ZNF385D: variants seen among roughly 807,000 people sequenced by gnomAD.
ZNF385D encodes the protein zinc finger protein 659.
ZNF385D carries 15 observed loss-of-function variants against 35.8 expected under a neutral mutation model. That is an observed-to-expected ratio of 0.42 (90% CI 0.28 to 0.64). ZNF385D has a LOEUF of 0.64. ZNF385D is among the 30% of genes least tolerant of loss of function. The pLI is 0.23. For missense variants in ZNF385D, 474 were observed against 494.6 expected (o/e 0.96, Z 0.39); for synonymous variants, 212 against 186.8 (o/e 1.13, Z -1.10).
Position 22,221,388 on chromosome 3 carries a change from C to G in ZNF385D, c.107-52353G>C, listed in dbSNP as rs141178029. Among the ~76,000 whole-genome samples, 325 of 152,116 alleles carry G rather than the reference C, an allele frequency of 2.1e-3. 3 individuals carry two copies. The highest frequency in any genetic ancestry group is 0.014 in the East Asian group (73 of 5,166). On this transcript the variant is annotated intron_variant, in intron 2 of 5. Coordinates refer to the ZNF385D transcript ENST00000494108. The stretch of plus-strand genomic sequence containing the variant: ...GCCAATCACATTGCATATATACCCC[C>G]CCACCTCATTTATTTTGAAGCAAAT...
rs4045435 is a variant in ZNF385D, at chr3:21,442,886, AGTGTGTGT to A, written c.440-5691_440-5684del. Among the ~76,000 whole-genome samples the A allele has an allele frequency of 1.1e-4, 16 of 147,260 alleles. No individual in the cohort carries two copies. In the South Asian group the frequency reaches 2.2e-3, roughly 20 times the overall value. On this transcript the variant is annotated intron_variant, in intron 4 of 7. Coordinates refer to ENST00000281523, the MANE Select transcript of ZNF385D (RefSeq NM_024697.3). The stretch of plus-strand genomic sequence containing the variant: ...GGCTATATGTGTATATCTGTGTATA[AGTGTGTGT>A]GTGTGTGTGTGTGTGTGTGTGTTGA...
chr3:21,767,731 A>G (rs141607617), intron 3 of ZNF385D, among the ~76,000 whole-genome samples: 1 of 152,130 alleles, frequency 6.6e-6, no homozygotes, highest in Non-Finnish European at 1.5e-5. Context: ...AAAGAAGAGA[A>G]AGGATTATAT....
intron 1 of ZNF385D, among the ~76,000 whole-genome samples, chr3:21,741,368 A>C (rs923840263): frequency 6.6e-6 from 1 of 152,192 alleles, no homozygotes; most frequent in Non-Finnish European, 1.5e-5. Context: ...TTTAACTGAT[A>C]CATTTTCCTT....
intron 3 of ZNF385D, among the ~76,000 whole-genome samples, chr3:21,889,939 G>T (rs138075110): frequency 1.3e-3 from 191 of 152,050 alleles, no homozygotes; most frequent in Non-Finnish European, 2.5e-3. Context: ...TAGCATCTCT[G>T]TGTGTGCCTG....
At chr3:22,107,018 G>T (rs1702250281) in intron 3 of ZNF385D, among the ~76,000 whole-genome samples, 1 of 93,090 alleles carries the variant, frequency 1.1e-5, no homozygotes, top group African/African-American at 3.6e-5. Flanking sequence ...AAAAACTTTG[G>T]AATGAGAGTT....
chr3:22,146,670 A>G (rs1704878367), intron 3 of ZNF385D, among the ~76,000 whole-genome samples: 2 of 152,198 alleles, frequency 1.3e-5, no homozygotes, highest in Non-Finnish European at 1.5e-5. Flanking sequence ...GAATAAACAC[A>G]TTATATAACA....
chr3:21,464,376 G>A (rs766751453), intron 4 of ZNF385D, among the ~76,000 whole-genome samples: 11 of 152,018 alleles, frequency 7.2e-5, no homozygotes, highest in Non-Finnish European at 1.2e-4. Flanking sequence ...GCTAATATAT[G>A]CATTTTTATA....
At chr3:21,975,741 A>ATATATGTG (rs1553711025) in intron 3 of ZNF385D, among the ~76,000 whole-genome samples, 82 of 81,540 alleles carry the variant, frequency 1.0e-3, no homozygotes, top group Non-Finnish European at 1.6e-3. Flanking sequence ...ATATATATAT[A>ATATATGTG]TATATATATA....
chr3:21,861,397 C>G (rs1025430276), intron 3 of ZNF385D, among the ~76,000 whole-genome samples: 1 of 152,126 alleles, frequency 6.6e-6, no homozygotes. Flanking sequence ...CTTCACTCAT[C>G]TCACTTAATG....
intron 4 of ZNF385D, among the ~76,000 whole-genome samples, chr3:21,501,006 A>G (rs1559352212): frequency 6.6e-6 from 1 of 152,122 alleles, no homozygotes; most frequent in Admixed American, 6.5e-5. Flanking sequence ...CCACGTGTGT[A>G]GAACATCACT....
intron 3 of ZNF385D, among the ~76,000 whole-genome samples, chr3:21,832,093 G>T (rs557867894): frequency 7.6e-6 from 1 of 131,826 alleles, no homozygotes; most frequent in Non-Finnish European, 1.7e-5. Context: ...ATTTGTTCAC[G>T]TATTTCTCTC....
intron 1 of ZNF385D, among the ~76,000 whole-genome samples, chr3:21,717,812 C>T (rs1196389303): frequency 2.0e-5 from 3 of 152,180 alleles, no homozygotes; most frequent in Non-Finnish European, 4.4e-5. Context: ...GCCTTTCTAG[C>T]CATGTGGAAC....
At chr3:21,991,362 T>C (rs1463719998) in intron 3 of ZNF385D, among the ~76,000 whole-genome samples, 1 of 152,206 alleles carries the variant, frequency 6.6e-6, no homozygotes, top group East Asian at 1.9e-4. Context: ...CTTTCAGATC[T>C]ATAGCCACAT....
At chr3:21,881,370 A>G (rs758159162) in intron 3 of ZNF385D, among the ~76,000 whole-genome samples, 12 of 151,998 alleles carry the variant, frequency 7.9e-5, no homozygotes, top group Non-Finnish European at 1.2e-4. Flanking sequence ...CTTAAGAATG[A>G]TGCTAAATCT....
chr3:21,415,469 C>T lies in ZNF385D; in HGVS notation c.*5745G>A, dbSNP rs569885313. Reference sequence around the variant, plus strand: ...TTAATGCCCCAAAATGATTAAGACTCCCAAGTGTGACATTGGAGTTCCTTT... The same window carrying T: ...TTAATGCCCCAAAATGATTAAGACTTCCAAGTGTGACATTGGAGTTCCTTT... On this transcript the variant is annotated 3_prime_UTR_variant, in exon 8 of 8. Transcript: ENST00000281523. The T allele has an allele frequency of 6.6e-6, 1 of 152,150 alleles. No homozygotes were observed. The highest frequency in any genetic ancestry group is 6.6e-5 in the Admixed American group (1 of 15,258). 9.4% of individuals were successfully genotyped at this position (152,150 alleles called of 1,614,324 possible). A position where few individuals can be genotyped will look rare whatever the true frequency, so the allele number is the denominator to read the frequency against.
At chr3:21,902,731 A>G (rs537405830) in intron 3 of ZNF385D, among the ~76,000 whole-genome samples, 102 of 152,254 alleles carry the variant, frequency 6.7e-4, no homozygotes, top group African/African-American at 2.3e-3. Flanking sequence ...ATTTTAAAAA[A>G]CTGTTGCTAG....
chr3:21,670,895 C>G (rs949222819), intron 1 of ZNF385D, among the ~76,000 whole-genome samples: 1 of 151,908 alleles, frequency 6.6e-6, no homozygotes, highest in Non-Finnish European at 1.5e-5. Context: ...AATGGACCAG[C>G]ATTCCTTGTG....
At chr3:22,321,173 T>TG (rs1272135378) in intron 2 of ZNF385D, among the ~76,000 whole-genome samples, 25 of 148,002 alleles carry the variant, frequency 1.7e-4, no homozygotes, top group African/African-American at 6.3e-4. Flanking sequence ...TGTTTTTTTT[T>TG]TTTTTTTTTT....
At chr3:21,829,231 G>A (rs1694837695) in intron 3 of ZNF385D, among the ~76,000 whole-genome samples, 2 of 152,112 alleles carry the variant, frequency 1.3e-5, no homozygotes, top group African/African-American at 4.8e-5. Context: ...ATTTTTAAAG[G>A]GCAAAGGAGA....
Sources: allele counts gnomAD v4.1 joint callset (sites outside exome capture counted in the v4.1 genomes callset), GRCh38; gene constraint gnomAD v4.1.1; transcripts MANE v1.5; gene names NCBI Gene and HGNC (gene_info 2026-07-23, HGNC 2026-07-21).